The following GHR variants were observed in gnomAD, a reference collection of about 807,000 sequenced individuals.
GHR encodes the protein GH receptor.
GHR carries 35 observed loss-of-function variants against 67.1 expected under a neutral mutation model. That is an observed-to-expected ratio of 0.52 (90% CI 0.40 to 0.69). The LOEUF is 0.69. Among genes scored for constraint, GHR ranks in the 30% least tolerant of loss-of-function variants. The probability of loss-of-function intolerance (pLI) is 0.00; values close to 1 mark genes in which losing one functional copy is unlikely to be tolerated. For synonymous variants in GHR, 272 were observed against 269.1 expected, an observed-to-expected ratio of 1.01 and a Z score of -0.10; for missense variants, 792 against 764.6, an observed-to-expected ratio of 1.04 and a Z score of -0.42.
chr5:42,443,287 G>C (rs940042697), intron 1 of GHR, among the ~76,000 whole-genome samples: 2 of 152,170 alleles, frequency 1.3e-5, no homozygotes, highest in Non-Finnish European at 2.9e-5. Context: ...TCAGTGAGAA[G>C]GATCATCACT....
intron 3 of GHR, among the ~76,000 whole-genome samples, chr5:42,660,724 G>A (rs982571000): frequency 1.5e-4 from 23 of 152,224 alleles, no homozygotes; most frequent in Admixed American, 6.5e-4. Flanking sequence ...CCAAAGGAAC[G>A]CAGTTCCTCA....
intron 1 of GHR, among the ~76,000 whole-genome samples, chr5:42,459,653 C>T (rs1331046551): frequency 1.3e-5 from 2 of 150,858 alleles, no homozygotes; most frequent in Non-Finnish European, 3.0e-5. Context: ...ATAGTACCCC[C>T]GAACTTAAAA....
intron 5 of GHR, among the ~76,000 whole-genome samples, chr5:42,699,410 T>C (rs1437240031): frequency 6.6e-6 from 1 of 152,212 alleles, no homozygotes; most frequent in Non-Finnish European, 1.5e-5. Context: ...AAAAAAGGTT[T>C]CTCTACCCCT....
At chr5:42,615,659 A>G (rs1408463409) in intron 2 of GHR, among the ~76,000 whole-genome samples, 2 of 151,986 alleles carry the variant, frequency 1.3e-5, no homozygotes, top group African/African-American at 2.4e-5. Flanking sequence ...GTCAGCACAT[A>G]TTATGGTTAA....
intron 1 of GHR, among the ~76,000 whole-genome samples, chr5:42,536,744 A>G (rs1748274739): frequency 6.6e-6 from 1 of 152,100 alleles, no homozygotes; most frequent in African/African-American, 2.4e-5. Context: ...GATTGGTATC[A>G]ATTCTTCTTT....
intron 1 of GHR, among the ~76,000 whole-genome samples, chr5:42,561,763 C>T (rs998933000): frequency 6.6e-6 from 1 of 152,128 alleles, no homozygotes; most frequent in African/African-American, 2.4e-5. Flanking sequence ...GAAAATCTTG[C>T]CATGAGGCTA....
chr5:42,596,837 A>G (rs1752095145), intron 2 of GHR, among the ~76,000 whole-genome samples: 2 of 152,112 alleles, frequency 1.3e-5, no homozygotes, highest in South Asian at 2.1e-4. Flanking sequence ...ATCAGTCTTG[A>G]GCAAAATAGT....
intron 3 of GHR, among the ~76,000 whole-genome samples, chr5:42,671,888 G>A (rs551543053): frequency 0.043 from 6,424 of 149,874 alleles, 212 homozygotes; most frequent in Non-Finnish European, 0.072. Context: ...CCCGGGAGGC[G>A]GAGCTTGCAG....
chr5:42,597,051 T>C (rs765883297), intron 2 of GHR, among the ~76,000 whole-genome samples: 11 of 152,120 alleles, frequency 7.2e-5, no homozygotes, highest in Non-Finnish European at 1.3e-4. Flanking sequence ...GATTGAGAAA[T>C]ACTGTTTTCA....
chr5:42,579,508 A>T (rs1751046324), intron 2 of GHR, among the ~76,000 whole-genome samples: 1 of 152,340 alleles, frequency 6.6e-6, no homozygotes, highest in South Asian at 2.1e-4. Flanking sequence ...TATGAGTCAC[A>T]TTTGTTTTGG....
At chr5:42,594,805 G>T (rs1350735012) in intron 2 of GHR, among the ~76,000 whole-genome samples, 1 of 152,038 alleles carries the variant, frequency 6.6e-6, no homozygotes, top group Non-Finnish European at 1.5e-5. Flanking sequence ...GATACTTACT[G>T]TCTTAGTAAT....
rs928630597 is a variant in GHR, at chr5:42,519,910, G to A, written c.-11-45954G>A. Among the ~76,000 whole-genome samples the A allele has an allele frequency of 3.9e-5, 6 of 152,226 alleles. No homozygotes were observed. The Middle Eastern group carries it at 0.01, about 259-fold the overall frequency. On this transcript the variant is annotated intron_variant, in intron 1 of 9. Transcript: ENST00000230882. ...AGTACAGTTGTTTTTGCTGCAATTTGTTCATTGATTTGTCCACTAAGACAT... is the reference window on the plus strand; with the variant it reads ...AGTACAGTTGTTTTTGCTGCAATTTATTCATTGATTTGTCCACTAAGACAT...
chr5:42,628,253 C>A (rs1464715775), intron 2 of GHR, among the ~76,000 whole-genome samples: 1 of 151,848 alleles, frequency 6.6e-6, no homozygotes, highest in East Asian at 1.9e-4. Flanking sequence ...CAAAAGGTAG[C>A]TTTTTGGACA....
chr5:42,493,003 A>AC (rs1746176755), intron 1 of GHR, among the ~76,000 whole-genome samples: 1 of 152,238 alleles, frequency 6.6e-6, no homozygotes, highest in Non-Finnish European at 1.5e-5. Context: ...GGAATGTGTA[A>AC]TGGGAAGTCA....
intron 2 of GHR, among the ~76,000 whole-genome samples, chr5:42,576,118 TA>T (rs1234710494): frequency 2.0e-3 from 166 of 84,990 alleles, no homozygotes; most frequent in African/African-American, 8.8e-3. Context: ...TAAAATAAAA[TA>T]AAATAAAATA....
intron 1 of GHR, among the ~76,000 whole-genome samples, chr5:42,480,366 G>C (rs1745565146): frequency 6.6e-6 from 1 of 152,214 alleles, no homozygotes; most frequent in Non-Finnish European, 1.5e-5. Context: ...ATATTCTGTT[G>C]ATTTGGGGTG....
At chr5:42,538,386 C>T (rs1368579228) in intron 1 of GHR, among the ~76,000 whole-genome samples, 3 of 152,208 alleles carry the variant, frequency 2.0e-5, no homozygotes, top group Admixed American at 6.5e-5. Context: ...GGCCAATTCT[C>T]TCAGCATTTG....
At chr5:42,637,131 T>C (rs977263231) in intron 3 of GHR, among the ~76,000 whole-genome samples, 2 of 152,164 alleles carry the variant, frequency 1.3e-5, no homozygotes, top group African/African-American at 4.8e-5. Flanking sequence ...TAAAGTTTTA[T>C]TGGACCACAC....
At chr5:42,428,432 T>C (rs1224384823) in intron 1 of GHR, among the ~76,000 whole-genome samples, 1 of 152,226 alleles carries the variant, frequency 6.6e-6, no homozygotes, top group Non-Finnish European at 1.5e-5. Context: ...TAAAGGCCTC[T>C]GACATGTTCT....
Sources: gnomAD v4.1 joint callset for allele counts (sites outside exome capture counted in the v4.1 genomes callset) on GRCh38, gnomAD v4.1.1 for gene constraint, MANE v1.5 for transcripts, NCBI Gene and HGNC (gene_info 2026-07-23, HGNC 2026-07-21) for gene names.